Variants in DPYSL2 observed in about 807,000 individuals in gnomAD.
The protein encoded by DPYSL2 is dihydropyrimidinase like 2.
DPYSL2 carries 13 observed loss-of-function variants against 69.9 expected under a neutral mutation model. The ratio of observed to expected loss-of-function variants is 0.19; its 90% confidence interval spans 0.12 to 0.30. The LOEUF is 0.30. Among genes scored for constraint, DPYSL2 ranks in the 10% least tolerant of loss-of-function variants. The pLI, the probability that DPYSL2 is intolerant of heterozygous loss-of-function variation, is 1.00. For synonymous variants in DPYSL2, 326 were observed against 359.1 expected, an observed-to-expected ratio of 0.91 and a Z score of 1.04; for missense variants, 587 against 918.9, an observed-to-expected ratio of 0.64 and a Z score of 4.67.
intron 1 of DPYSL2, among the ~76,000 whole-genome samples, chr8:26,554,954 A>G (rs1295378956): frequency 6.6e-6 from 1 of 152,230 alleles, no homozygotes; most frequent in African/African-American, 2.4e-5. Flanking sequence ...GGTTTACAAG[A>G]GTGGTTCAAC....
Position 26,619,375 on chromosome 8 carries a change from G to A in DPYSL2, c.629-4768G>A, listed in dbSNP as rs1431984213. On this transcript the variant is annotated intron_variant, in intron 3 of 13. Transcript: ENST00000521913. The surrounding 1 kb of genome is among the most constrained non-coding windows in gnomAD (Gnocchi z 4.8). ...AAGGAAGCATGTTTATTTCCCCAAA[G>A]TGCTCAGCTGTGTCCGGGTCCTGAG... is the stretch of plus-strand genomic sequence containing the variant. 6.6e-6 allele frequency: 1 copy of A among 152,214 alleles called. No individual in the cohort carries two copies. The highest frequency in any genetic ancestry group is 2.4e-5 in the African/African-American group (1 of 41,434). 9.4% of individuals were successfully genotyped at this position (152,214 alleles called of 1,614,324 possible).
At chr8:26,602,754 C>T (rs1048806533) in intron 3 of DPYSL2, among the ~76,000 whole-genome samples, 1 of 152,120 alleles carries the variant, frequency 6.6e-6, no homozygotes, top group Non-Finnish European at 1.5e-5. Context: ...AGATAAGGTC[C>T]TCTTTGCAAA....
At position 26,597,575 on chromosome 8, in the gene DPYSL2, C is replaced by T. The variant is rs1355200693; in HGVS notation, c.628+13592C>T. On this transcript the variant is annotated intron_variant, in intron 3 of 13. Transcript: ENST00000521913. This position sits in a 1 kb window ranked among gnomAD's most constrained non-coding sequence, Gnocchi z 5.2. ...CTGCAAGCTCCGCCTCCCAGGTTCACGCCATTCTCCTGCCTCAGCCTCCCA... is the reference window on the plus strand; with the variant it reads ...CTGCAAGCTCCGCCTCCCAGGTTCATGCCATTCTCCTGCCTCAGCCTCCCA... Among the ~76,000 whole-genome samples the T allele has an allele frequency of 2.6e-5, 4 of 151,974 alleles. No homozygotes were observed. The highest frequency in any genetic ancestry group is 9.7e-5 in the African/African-American group (4 of 41,386).
Position 26,556,261 on chromosome 8 carries a change from C to CTATATA in DPYSL2, c.355-25704_355-25703insTATATA, listed in dbSNP as rs1330768618. 8.8e-3 allele frequency among the ~76,000 whole-genome samples: 22 copies of CTATATA among 2,506 alleles called. 2 individuals carry two copies. The highest frequency in any genetic ancestry group is 0.017 in the Non-Finnish European group (14 of 820). 1.6% of individuals were successfully genotyped at this position (2,506 alleles called of 152,430 possible). ...ATATAATATATATAGTATATATATA[C>CTATATA]TATAGTATATATAGTATTTATATAA... On this transcript the variant is annotated intron_variant, in intron 1 of 13. Coordinates refer to ENST00000521913, the MANE Select transcript of DPYSL2 (RefSeq NM_001197293.3).
intron 1 of DPYSL2, among the ~76,000 whole-genome samples, chr8:26,558,631 C>CAT (rs1801027004): frequency 6.6e-6 from 1 of 152,172 alleles, no homozygotes; most frequent in African/African-American, 2.4e-5. Context: ...TCACTTGTAA[C>CAT]ATATGTATCA....
intron 1 of DPYSL2, among the ~76,000 whole-genome samples, chr8:26,549,398 C>T (rs988840359): frequency 1.3e-5 from 2 of 151,700 alleles, no homozygotes; most frequent in Admixed American, 6.6e-5. Flanking sequence ...ATGAAAATGA[C>T]GGAACAGAAT....
chr8:26,634,966 C>CT, intron 8 of DPYSL2, 66 bp downstream of exon 8: 5 of 1,592,826 alleles, frequency 3.1e-6, no homozygotes, highest in Non-Finnish European at 4.3e-6. Flanking sequence ...GGGCTCCTCA[C>CT]TAGGGAGGGC....
At chr8:26,558,287 A>T (rs1270148011) in intron 1 of DPYSL2, among the ~76,000 whole-genome samples, 1 of 152,234 alleles carries the variant, frequency 6.6e-6, no homozygotes, top group Non-Finnish European at 1.5e-5. Context: ...ACAAGCCATT[A>T]AAAGAAATGA....
intron 1 of DPYSL2, among the ~76,000 whole-genome samples, chr8:26,522,097 C>G (rs1039706708): frequency 3.3e-5 from 5 of 152,154 alleles, no homozygotes; most frequent in Non-Finnish European, 7.3e-5. Flanking sequence ...CACTTGAGGT[C>G]AGGAGTTTGA....
At chr8:26,612,363 G>A (rs377349975) in intron 3 of DPYSL2, among the ~76,000 whole-genome samples, 1 of 152,128 alleles carries the variant, frequency 6.6e-6, no homozygotes, top group African/African-American at 2.4e-5. Context: ...TAAAATAGGG[G>A]GAAAGTTATT....
chr8:26,647,370 C>CA lies in DPYSL2; in HGVS notation c.1426-260_1426-259insA, dbSNP rs1412073288. 2.0e-5 allele frequency among the ~76,000 whole-genome samples: 3 copies of CA among 152,144 alleles called. No individual in the cohort carries two copies. The highest frequency in any genetic ancestry group is 7.2e-5 in the African/African-American group (3 of 41,442). The stretch of plus-strand genomic sequence containing the variant: ...AGAGACCAACCTCTTGCTGCTCCTC[C>CA]CCTCCACCCTCCCTAACCCTGGAAG... On this transcript the variant is annotated intron_variant, in intron 10 of 13. Coordinates refer to ENST00000521913, the MANE Select transcript of DPYSL2 (RefSeq NM_001197293.3). This position sits in a 1 kb window ranked among gnomAD's most constrained non-coding sequence, Gnocchi z 5.1.
chr8:26,520,403 T>C (rs1244912068), intron 1 of DPYSL2, among the ~76,000 whole-genome samples: 3 of 152,134 alleles, frequency 2.0e-5, no homozygotes, highest in African/African-American at 7.2e-5. Context: ...ACTGATTTGC[T>C]TTTGATATTA....
At chr8:26,546,921 CAAAAAAAAAAAAAAAAAAAAAAAAAAA>C (rs61360009) in intron 1 of DPYSL2, among the ~76,000 whole-genome samples, 1 of 46,206 alleles carries the variant, frequency 2.2e-5, no homozygotes, top group Non-Finnish European at 3.4e-5. Context: ...GACTCAGTCT[CAAAAAAAAAAAAAAAAAAAAAAAAAAA>C]AAAGAAAAGA....
rs574184031 is a variant in DPYSL2, at chr8:26,561,448, T to G, written c.355-20521T>G. Among the ~76,000 whole-genome samples, 47 of 152,310 alleles carry G rather than the reference T, an allele frequency of 3.1e-4. No individual in the cohort carries two copies. The South Asian group carries it at 9.3e-3, about 30-fold the overall frequency. On this transcript the variant is annotated intron_variant, in intron 1 of 13. Coordinates refer to ENST00000521913, the MANE Select transcript of DPYSL2 (RefSeq NM_001197293.3). ...AGCCCCAACTTCTCACTTGAGTGCC[T>G]TATTATTTCCACTTGGATATCTTAA...
chr8:26,631,428 T>C (rs992386598), intron 7 of DPYSL2, among the ~76,000 whole-genome samples: 2 of 152,168 alleles, frequency 1.3e-5, no homozygotes, highest in African/African-American at 4.8e-5. Flanking sequence ...AAGATCTGCA[T>C]GGGGGAAACC....
At chr8:26,618,331 A>C (rs924076990) in intron 3 of DPYSL2, among the ~76,000 whole-genome samples, 1 of 140,604 alleles carries the variant, frequency 7.1e-6, no homozygotes. Flanking sequence ...TTTTTTTCTT[A>C]ATAGACAGTC....
intron 8 of DPYSL2, among the ~76,000 whole-genome samples, chr8:26,639,622 CT>C (rs1802995774): frequency 6.6e-6 from 1 of 152,152 alleles, no homozygotes; most frequent in South Asian, 2.1e-4. Context: ...ATTCATTCTT[CT>C]TTTTTCCCCC....
chr8:26,615,516 A>G (rs114433768), intron 3 of DPYSL2, among the ~76,000 whole-genome samples: 1,743 of 151,602 alleles, frequency 0.011, 25 homozygotes, highest in African/African-American at 0.038. Context: ...AGGTTGGTAT[A>G]TTGAGTCACA....
intron 3 of DPYSL2, among the ~76,000 whole-genome samples, chr8:26,590,183 AC>A (rs1379486036): frequency 6.6e-6 from 1 of 152,200 alleles, no homozygotes; most frequent in Admixed American, 6.5e-5. Context: ...AAAACGCCCG[AC>A]CACATCAGAC....
Sources: allele counts gnomAD v4.1 joint callset (sites outside exome capture counted in the v4.1 genomes callset), GRCh38; gene constraint gnomAD v4.1.1; non-coding constraint Gnocchi (gnomAD v3.1); transcripts MANE v1.5; gene names NCBI Gene and HGNC (gene_info 2026-07-23, HGNC 2026-07-21).